The following MDGA2 variants were observed in gnomAD, a reference collection of about 807,000 sequenced individuals.
MDGA2 encodes MAM domain containing glycosylphosphatidylinositol anchor 2.
In MDGA2, 40 loss-of-function variants were observed where a neutral mutation model predicts 117.8. That is an observed-to-expected ratio of 0.34 (90% CI 0.26 to 0.44). The LOEUF (loss-of-function observed/expected upper bound fraction) is 0.44, where lower values mean the gene tolerates loss of function less well. Among genes scored for constraint, MDGA2 ranks in the 20% least tolerant of loss-of-function variants. The pLI is 1.00. For synonymous variants in MDGA2, 452 were observed against 439.0 expected (o/e 1.03, Z -0.37); for missense variants, 1,123 against 1,250.6 (o/e 0.90, Z 1.54).
intron 1 of MDGA2, among the ~76,000 whole-genome samples, chr14:47,482,277 A>G (rs1893969821): frequency 6.6e-6 from 1 of 152,056 alleles, no homozygotes; most frequent in Non-Finnish European, 1.5e-5. Flanking sequence ...AGTTTCCCTA[A>G]TATAAAAAAG....
intron 5 of MDGA2, among the ~76,000 whole-genome samples, chr14:47,130,421 T>G (rs1882144329): frequency 6.6e-6 from 1 of 152,176 alleles, no homozygotes; most frequent in African/African-American, 2.4e-5. Flanking sequence ...CCAAAATCAG[T>G]GTTCCTCCAT....
intron 8 of MDGA2, among the ~76,000 whole-genome samples, chr14:47,022,870 G>A (rs1417590570): frequency 6.6e-6 from 1 of 152,060 alleles, no homozygotes; most frequent in Non-Finnish European, 1.5e-5. Flanking sequence ...GCCAGTTTAG[G>A]ATACCAAACT....
At chr14:47,014,713 G>C (rs753794794) in intron 8 of MDGA2, among the ~76,000 whole-genome samples, 3 of 152,180 alleles carry the variant, frequency 2.0e-5, no homozygotes, top group Non-Finnish European at 4.4e-5. Context: ...TTGTTCTCAA[G>C]TAAGCTTTGG....
chr14:46,913,830 T>C (rs2138490385), intron 10 of MDGA2, among the ~76,000 whole-genome samples: 1 of 152,190 alleles, frequency 6.6e-6, no homozygotes, highest in Admixed American at 6.5e-5. Flanking sequence ...TTATAAGACG[T>C]TGAGGACAAT....
At chr14:47,226,707 C>T (rs774706470) in intron 2 of MDGA2, among the ~76,000 whole-genome samples, 3 of 152,108 alleles carry the variant, frequency 2.0e-5, no homozygotes, top group Non-Finnish European at 4.4e-5. Flanking sequence ...GATTTTGTCG[C>T]ACTGCCAAGA....
intron 1 of MDGA2, among the ~76,000 whole-genome samples, chr14:47,388,819 G>A (rs975898416): frequency 1.3e-5 from 2 of 152,090 alleles, no homozygotes; most frequent in Non-Finnish European, 1.5e-5. Flanking sequence ...ACAAAGCAAC[G>A]CCACTTTGGC....
intron 8 of MDGA2, among the ~76,000 whole-genome samples, chr14:47,019,019 T>C (rs1888188548): frequency 6.6e-6 from 1 of 152,180 alleles, no homozygotes; most frequent in Non-Finnish European, 1.5e-5. Context: ...TACCTTTAAT[T>C]CTTACTTGAA....
intron 1 of MDGA2, among the ~76,000 whole-genome samples, chr14:47,548,997 G>A (rs1073323): frequency 0.23 from 35,443 of 151,984 alleles, 4,965 homozygotes; most frequent in South Asian, 0.47. Context: ...AGCTCTACGT[G>A]AGGTAAAAAA....
intron 1 of MDGA2, among the ~76,000 whole-genome samples, chr14:47,395,538 C>T (rs1461312096): frequency 6.6e-6 from 1 of 151,908 alleles, no homozygotes; most frequent in Non-Finnish European, 1.5e-5. Flanking sequence ...AAATAATTTA[C>T]TAAAGTAAAT....
At chr14:46,950,853 T>A (rs1478393050) in intron 9 of MDGA2, among the ~76,000 whole-genome samples, 1 of 151,432 alleles carries the variant, frequency 6.6e-6, no homozygotes, top group Non-Finnish European at 1.5e-5. Context: ...ATATTTTCTA[T>A]CTGGTCACTG....
intron 1 of MDGA2, among the ~76,000 whole-genome samples, chr14:47,613,359 A>T (rs753069738): frequency 3.9e-5 from 6 of 152,130 alleles, no homozygotes; most frequent in Non-Finnish European, 7.4e-5. Context: ...AAATAAAACA[A>T]GCTGCAAGGT....
chr14:47,245,110 C>T (rs1042647661), intron 2 of MDGA2, among the ~76,000 whole-genome samples: 1 of 151,716 alleles, frequency 6.6e-6, no homozygotes, highest in Non-Finnish European at 1.5e-5. Flanking sequence ...GCAGCCTTGA[C>T]CTCCCAGGCT....
At chr14:47,449,100 C>A (rs1008341798) in intron 1 of MDGA2, among the ~76,000 whole-genome samples, 4 of 152,106 alleles carry the variant, frequency 2.6e-5, no homozygotes, top group Non-Finnish European at 1.5e-5. Flanking sequence ...AGATGAACAG[C>A]CAGGACTCAT....
chr14:47,480,005 T>C lies in MDGA2; in HGVS notation c.281-178455A>G, dbSNP rs978372905. On this transcript the variant is annotated intron_variant, in intron 1 of 16. Transcript: ENST00000399232. ...TAATATCCTTTCTATTCTCTCTTCC[T>C]CCAGGTTCATCCCTTTCAAATTTCA... Among the ~76,000 whole-genome samples, 10 of 152,096 alleles carry C rather than the reference T, an allele frequency of 6.6e-5. No homozygotes were observed. The South Asian group carries it at 8.3e-4, about 13-fold the overall frequency.
intron 1 of MDGA2, among the ~76,000 whole-genome samples, chr14:47,418,482 A>T (rs1444469010): frequency 1.3e-5 from 2 of 152,172 alleles, no homozygotes; most frequent in Non-Finnish European, 2.9e-5. Context: ...TTCCTAGATG[A>T]TGGCTTCTTA....
intron 4 of MDGA2, among the ~76,000 whole-genome samples, chr14:47,141,681 A>G (rs986390035): frequency 1.8e-4 from 28 of 151,884 alleles, no homozygotes; most frequent in African/African-American, 6.5e-4. Flanking sequence ...GACCTCATAG[A>G]ATTAGGGAGC....
chr14:46,914,463 A>G (rs1308124913), intron 10 of MDGA2, among the ~76,000 whole-genome samples: 1 of 152,068 alleles, frequency 6.6e-6, no homozygotes, highest in East Asian at 1.9e-4. Context: ...TTCTAGATAT[A>G]ATGCATTATT....
At chr14:47,363,640 A>G (rs933944704) in intron 1 of MDGA2, among the ~76,000 whole-genome samples, 1 of 152,190 alleles carries the variant, frequency 6.6e-6, no homozygotes, top group African/African-American at 2.4e-5. Context: ...AAAGTCACAC[A>G]GCATGGTAAA....
At chr14:47,209,718 A>G (rs1885814534) in intron 3 of MDGA2, among the ~76,000 whole-genome samples, 1 of 152,210 alleles carries the variant, frequency 6.6e-6, no homozygotes, top group Admixed American at 6.5e-5. Flanking sequence ...TGTAAATAAC[A>G]CTGATAAGCA....
Sources: allele counts gnomAD v4.1 joint callset (sites outside exome capture counted in the v4.1 genomes callset), GRCh38; gene constraint gnomAD v4.1.1; transcripts MANE v1.5; gene names NCBI Gene and HGNC (gene_info 2026-07-23, HGNC 2026-07-21).